BCL2L13: variants seen among roughly 807,000 people sequenced by gnomAD.
The protein encoded by BCL2L13 is BCL2 like 13.
Under a neutral mutation model 25.8 loss-of-function variants are expected in BCL2L13, and 13 were observed. The ratio of observed to expected loss-of-function variants is 0.50; its 90% CI spans 0.33 to 0.80. The LOEUF is 0.80. BCL2L13 is among the 30% of genes least tolerant of loss of function. BCL2L13 has a pLI of 0.02. For missense variants in BCL2L13, 504 were observed against 574.9 expected (o/e 0.88, Z 1.26); for synonymous variants, 244 against 230.3 (o/e 1.06, Z -0.54).
chr22:17,714,875 C>T (rs567172362), intron 6 of BCL2L13, among the ~76,000 whole-genome samples: 4 of 151,586 alleles, frequency 2.6e-5, no homozygotes, highest in East Asian at 3.9e-4. Context: ...GTGTTCTGGC[C>T]GGGCATGGTG....
chr22:17,641,802 T>G (rs35085460), intron 1 of BCL2L13, among the ~76,000 whole-genome samples: 24,543 of 147,580 alleles, frequency 0.17, 2,052 homozygotes, highest in Non-Finnish European at 0.2. Flanking sequence ...ATATGTGTTT[T>G]TTTTTTTTTT....
At chr22:17,630,729 T>A (rs2057996905) in intron 1 of BCL2L13, among the ~76,000 whole-genome samples, 1 of 151,702 alleles carries the variant, frequency 6.6e-6, no homozygotes, top group Non-Finnish European at 1.5e-5. Context: ...TAGCTGAGAT[T>A]ACAGGCATCT....
intron 2 of BCL2L13, among the ~76,000 whole-genome samples, chr22:17,656,636 G>T (rs2587075): frequency 0.34 from 51,053 of 151,242 alleles, 9,358 homozygotes; most frequent in African/African-American, 0.43. Context: ...TGTGAGCCAC[G>T]GCGCCCAACT....
At position 17,715,803 on chromosome 22, in the gene BCL2L13, A is replaced by G. The variant is rs144399188; in HGVS notation, c.601-10874A>G. ...TTCAGTCATTCTGTTTGGGGGTTGG[A>G]ATTGTTTTTAGCACCAGTGCTGTGT... On this transcript the variant is annotated intron_variant, in intron 6 of 6. Transcript: ENST00000317582. 3.3e-3 allele frequency among the ~76,000 whole-genome samples: 505 copies of G among 152,208 alleles called. 1 individual carries two copies. The highest frequency in any genetic ancestry group is 5.2e-3 in the Non-Finnish European group (355 of 68,006).
intron 2 of BCL2L13, among the ~76,000 whole-genome samples, chr22:17,682,170 A>G (rs965012623): frequency 2.0e-5 from 3 of 152,162 alleles, no homozygotes; most frequent in African/African-American, 7.2e-5. Context: ...ATCTTGCTGT[A>G]TTTAGAAAAC....
At chr22:17,688,834 C>A in intron 3 of BCL2L13, 152 bp from the exon 4 acceptor site, 4 of 395,866 alleles carry the variant, frequency 1.0e-5, no homozygotes, top group East Asian at 5.8e-5. Flanking sequence ...GTGGCGTGAT[C>A]TTGGCTCACC....
At position 17,663,683 on chromosome 22, in the gene BCL2L13, C is replaced by CT. The variant is rs61709181; in HGVS notation, c.121+7869dup. On this transcript the variant is annotated intron_variant, in intron 2 of 6. Transcript: ENST00000317582. ...TTTATTATTATCTTTTACATTTTTC[C>CT]TTTTTTTTTTTTTTTTTTGAGATGG... is the stretch of plus-strand genomic sequence containing the variant. Among the ~76,000 whole-genome samples, 986 of 107,444 alleles carry CT rather than the reference C, an allele frequency of 9.2e-3. 61 individuals are homozygous for CT. Among genetic ancestry groups the CT allele is most frequent in the African/African-American group, 0.025 (703 of 28,434 alleles). 70.5% of individuals were successfully genotyped at this position (107,444 alleles called of 152,430 possible).
At chr22:17,665,028 A>C (rs1601575649) in intron 2 of BCL2L13, among the ~76,000 whole-genome samples, 1 of 152,088 alleles carries the variant, frequency 6.6e-6, no homozygotes, top group South Asian at 2.1e-4. Flanking sequence ...ACTGGTGCAA[A>C]TTTCTGTATC....
intron 6 of BCL2L13, among the ~76,000 whole-genome samples, chr22:17,713,612 C>T (rs1262020952): frequency 6.6e-6 from 1 of 151,758 alleles, no homozygotes; most frequent in East Asian, 2.0e-4. Context: ...CAGGCATGCA[C>T]CACCACACCC....
chr22:17,712,039 T>C (rs1601757499), intron 6 of BCL2L13, among the ~76,000 whole-genome samples: 1 of 151,042 alleles, frequency 6.6e-6, no homozygotes, highest in African/African-American at 2.4e-5. Context: ...TTTTTTTTGG[T>C]GTAAATTTTT....
intron 2 of BCL2L13, among the ~76,000 whole-genome samples, chr22:17,677,779 G>A (rs2059616635): frequency 6.6e-6 from 1 of 152,062 alleles, no homozygotes; most frequent in Admixed American, 6.5e-5. Flanking sequence ...GGCTGAGGCA[G>A]GAGAATCACT....
At chr22:17,671,982 G>A (rs1332210697) in intron 2 of BCL2L13, among the ~76,000 whole-genome samples, 1 of 152,220 alleles carries the variant, frequency 6.6e-6, no homozygotes, top group East Asian at 1.9e-4. Context: ...CCAGAATGCT[G>A]GGATTACAGG....
Position 17,698,181 on chromosome 22 carries a change from G to A in BCL2L13, c.456+1971G>A, listed in dbSNP as rs377229174. ...CCTGGAGTGCATTGGTGCAATCTCG[G>A]CTCACTCACTGCAGCCTTTCCCTTC... On this transcript the variant is annotated intron_variant, in intron 5 of 6. Transcript: ENST00000317582. 7.9e-5 allele frequency among the ~76,000 whole-genome samples: 12 copies of A among 151,858 alleles called. 1 individual carries two copies. In the South Asian group the frequency reaches 1.7e-3, roughly 21 times the overall value.
chr22:17,647,654 T>C (rs1439385621), intron 1 of BCL2L13, among the ~76,000 whole-genome samples: 1 of 152,188 alleles, frequency 6.6e-6, no homozygotes, highest in Non-Finnish European at 1.5e-5. Flanking sequence ...GTGAAGACGG[T>C]GTACCCAATT....
At chr22:17,680,786 T>C (rs2059729003) in intron 2 of BCL2L13, among the ~76,000 whole-genome samples, 1 of 152,106 alleles carries the variant, frequency 6.6e-6, no homozygotes, top group Non-Finnish European at 1.5e-5. Flanking sequence ...TTTAGTATTA[T>C]AATGAGGCTG....
chr22:17,670,626 A>G (rs1222235501), intron 2 of BCL2L13, among the ~76,000 whole-genome samples: 4 of 152,144 alleles, frequency 2.6e-5, no homozygotes, highest in South Asian at 4.2e-4. Flanking sequence ...CGGCCTCCCA[A>G]AGTGCTGGGA....
chr22:17,707,596 GTTA>G (rs1045550472), intron 6 of BCL2L13, among the ~76,000 whole-genome samples: 6 of 152,160 alleles, frequency 3.9e-5, no homozygotes, highest in African/African-American at 1.4e-4. Flanking sequence ...ACTTGTAGAT[GTTA>G]TTCTAATGTA....
At position 17,730,601 on chromosome 22, in the gene BCL2L13, T is replaced by A. The variant is rs2061382452; in HGVS notation, c.*3067T>A. 6.6e-6 allele frequency: 1 copy of A among 152,190 alleles called. No individual in the cohort carries two copies. Among genetic ancestry groups the A allele is most frequent in the Non-Finnish European group, 1.5e-5 (1 of 68,038 alleles). The allele number at this position is 152,190 out of a possible 1,614,324, so 9.4% of individuals were successfully genotyped here. ...TATTTTAAGAGATGTTTTATAGAAA[T>A]AAAACGTTTTGTAGCTAAGAATTTT... On this transcript the variant is annotated 3_prime_UTR_variant, in exon 7 of 7. Transcript: ENST00000317582.
intron 1 of BCL2L13, among the ~76,000 whole-genome samples, chr22:17,632,021 G>T (rs943659951): frequency 6.6e-6 from 1 of 151,874 alleles, no homozygotes; most frequent in African/African-American, 2.4e-5. Context: ...CGCCTGGCCG[G>T]TACACATATT....
Sources: allele counts gnomAD v4.1 joint callset (sites outside exome capture counted in the v4.1 genomes callset), GRCh38; gene constraint gnomAD v4.1.1; transcripts MANE v1.5; gene names NCBI Gene and HGNC (gene_info 2026-07-23, HGNC 2026-07-21).